The following MKI67 variants were observed in gnomAD, a reference collection of about 807,000 sequenced individuals.
The protein encoded by MKI67 is marker of proliferation Ki-67.
In MKI67, 152 loss-of-function variants were observed where a neutral mutation model predicts 233.5. That is an observed-to-expected ratio of 0.65 (90% CI 0.57 to 0.74). The LOEUF is 0.74. MKI67 is among the 30% of genes least tolerant of loss of function. The pLI is 0.00. For synonymous variants in MKI67, 1,465 were observed against 1,418.5 expected (o/e 1.03, Z -0.74); for missense variants, 3,940 against 3,885.2 (o/e 1.01, Z -0.37).
intron 11 of MKI67, 51 bp downstream of exon 11, chr10:128,111,594 T>TA (rs1852675463): frequency 1.4e-6 from 2 of 1,480,454 alleles, no homozygotes; most frequent in Non-Finnish European, 9.2e-7. Flanking sequence ...ATTAACACAG[T>TA]AAAAAACAGT....
chr10:128,102,741 A>G lies in MKI67; in HGVS notation c.9099T>C (p.Val3033=), dbSNP rs1852364096. Residue 3033 remains valine (V), a synonymous_variant, in exon 13 of 15, where the codon GTT becomes GTC. Coordinates refer to ENST00000368654, the MANE Select transcript of MKI67 (RefSeq NM_002417.5). ...EELPASKKQR[V]APRARGKSSE... ...ATGATTTGCCTCTTGCCCTGGGAGCAACCCTCTGCTTCTTGCTGGCTGGCA... is the reference window on the plus strand; with the variant it reads ...ATGATTTGCCTCTTGCCCTGGGAGCGACCCTCTGCTTCTTGCTGGCTGGCA... 1 of 1,614,180 alleles carries G rather than the reference A, an allele frequency of 6.2e-7. No individual in the cohort carries two copies. The highest frequency in any genetic ancestry group is 2.2e-5 in the East Asian group (1 of 44,878).
In MKI67 at chr10:128,102,767, GCTC is replaced by G. The variant is rs779858999; in HGVS notation, c.9070_9072del (p.Glu3024del). 1.2e-6 allele frequency: 2 copies of G among 1,614,228 alleles called. No individual in the cohort carries two copies. Among genetic ancestry groups the G allele is most frequent in the South Asian group, 2.2e-5 (2 of 91,086 alleles). On this transcript the variant is annotated inframe_deletion, in exon 13 of 15. Transcript: ENST00000368654. ...ACCCTCTGCTTCTTGCTGGCTGGCA[GCTC>G]CTCCACAATTTCCTCTGGTGCTGGC...
At position 128,125,591 on chromosome 10, in the gene MKI67, G is replaced by C. The variant is rs1420146342; in HGVS notation, c.77C>G (p.Thr26Ser). Residue 26 changes from threonine to serine, a missense_variant, in exon 2 of 15, where the codon ACC (threonine) becomes AGC (serine). Thr to Ser is a moderately conservative substitution (Grantham distance 58). Coordinates refer to ENST00000368654, the MANE Select transcript of MKI67 (RefSeq NM_002417.5). The surrounding 1 kb of genome is among the most constrained non-coding windows in gnomAD (Gnocchi z 5.3). Reference sequence around the variant, plus strand: ...CGGGGCTCACCTTCCAAACAAGCAGGTGCTGAGGCTCAGGGGAAAGTGGGG... The same window carrying C: ...CGGGGCTCACCTTCCAAACAAGCAGCTGCTGAGGCTCAGGGGAAAGTGGGG... ...DGPHFPLSLS[T>S]CLFGRGIECD... is the part of the protein sequence containing the mutation. The C allele has an allele frequency of 1.2e-6, 2 of 1,613,138 alleles. No individual in the cohort carries two copies.
Position 128,125,366 on chromosome 10 carries a change from T to C in MKI67, c.92+210A>G, listed in dbSNP as rs1190545371. ...TCGATTTTTTTAATTGGCTTGATTT[T>C]TAAAACCACTTAAACATACAAACTA... On this transcript the variant is annotated intron_variant, in intron 2 of 14. Coordinates refer to ENST00000368654, the MANE Select transcript of MKI67 (RefSeq NM_002417.5). The surrounding 1 kb of genome is among the most constrained non-coding windows in gnomAD (Gnocchi z 5.3). Among the ~76,000 whole-genome samples, 2 of 152,162 alleles carry C rather than the reference T, an allele frequency of 1.3e-5. No individual in the cohort carries two copies. Among genetic ancestry groups the C allele is most frequent in the Non-Finnish European group, 2.9e-5 (2 of 68,034 alleles).
At chr10:128,123,270 G>A in intron 2 of MKI67, 101 bp from the exon 3 acceptor site, 1 of 826,306 alleles carries the variant, frequency 1.2e-6, no homozygotes, top group Non-Finnish European at 2.1e-6. Context: ...TGTTTGATCT[G>A]TAAATATGAC....
rs768067622 is a variant in MKI67, at chr10:128,112,330, G to C, written c.1772C>G (p.Ala591Gly). Residue 591 changes from alanine (A) to glycine (G), a missense_variant, in exon 9 of 15, where the codon GCC becomes GGC. Ala to Gly is a moderately conservative substitution (Grantham distance 60, BLOSUM62 0). Transcript: ENST00000368654. ...GCAGGACCTACGGCGTTGATCACTG[G>C]CAACTGGAGTTTTCCTAGGACTAGG... ...PAPSPRKTPV[A>G]SDQRRRSCKT... 8 of 1,614,200 alleles carry C rather than the reference G, an allele frequency of 5.0e-6. No homozygotes were observed. The East Asian group carries it at 1.8e-4, about 36-fold the overall frequency.
In MKI67 at chr10:128,115,564, C is replaced by G; in HGVS notation, c.844G>C (p.Gly282Arg). 6.2e-7 allele frequency: 1 copy of G among 1,614,226 alleles called. No homozygotes were observed. The highest frequency in any genetic ancestry group is 1.1e-5 in the South Asian group (1 of 91,090). ...TEKESADGLQGETQLLVSRKS... is the reference protein window; with the variant it reads ...TEKESADGLQRETQLLVSRKS... ...CGCGAGACCAACAGTTGGGTCTCCC[C>G]CTGTAAACCATCAGCACTTTCTTTC... Residue 282 changes from glycine (G) to arginine (R), a missense_variant, in exon 7 of 15, where the codon GGG becomes CGG. Gly to Arg is a moderately radical substitution (Grantham distance 125). Transcript: ENST00000368654.
Position 128,113,551 on chromosome 10 carries a change from T to A in MKI67, c.1532A>T (p.His511Leu). 1 of 1,614,182 alleles carries A rather than the reference T, an allele frequency of 6.2e-7. No homozygotes were observed. Reference sequence around the variant, plus strand: ...TTCATCAAATAGTTCAGGTCTTAGGTGCCCACCAAAGGACACACGCCTTCT... The same window carrying A: ...TTCATCAAATAGTTCAGGTCTTAGGAGCCCACCAAAGGACACACGCCTTCT... ...LKRRRVSFGG[H>L]LRPELFDENL... The change falls in exon 8 of 15, where the codon CAC (histidine) becomes CTC (leucine). Residue 511 changes from histidine to leucine, a missense_variant. By Grantham distance (99) the His-to-Leu change is moderately conservative. Coordinates refer to ENST00000368654, the MANE Select transcript of MKI67 (RefSeq NM_002417.5).
In MKI67 at chr10:128,097,154, A is replaced by G. The variant is rs1852229043; in HGVS notation, c.*2036T>C. 6.6e-6 allele frequency: 1 copy of G among 152,206 alleles called. No individual in the cohort carries two copies. Among genetic ancestry groups the G allele is most frequent in the South Asian group, 2.1e-4 (1 of 4,832 alleles). 9.4% of individuals were successfully genotyped at this position (152,206 alleles called of 1,614,324 possible). On this transcript the variant is annotated 3_prime_UTR_variant, in exon 15 of 15. Transcript: ENST00000368654. ...AGCTTGTATTTAATGGGAATGTCCTATTACATGGAAATTCACTTGGAAACT... is the reference window on the plus strand; with the variant it reads ...AGCTTGTATTTAATGGGAATGTCCTGTTACATGGAAATTCACTTGGAAACT...
chr10:128,106,951 T>C lies in MKI67; in HGVS notation c.4889A>G (p.Lys1630Arg), dbSNP rs769294486. 6.2e-7 allele frequency: 1 copy of C among 1,614,186 alleles called. No individual in the cohort carries two copies. The highest frequency in any genetic ancestry group is 8.5e-7 in the Non-Finnish European group (1 of 1,180,042). The change falls in exon 13 of 15, where the codon AAG becomes AGG. Residue 1630 changes from lysine (K) to arginine (R), a missense_variant. Lys to Arg is a conservative substitution (Grantham distance 26). Transcript: ENST00000368654. ...PDPDKNPASSKRRLKTSLGKV... is the reference protein window; with the variant it reads ...PDPDKNPASSRRRLKTSLGKV... ...CCCCAGGGATGTCTTGAGCCGTCGC[T>C]TGGAGCTTGCTGGGTTTTTGTCTGG...
chr10:128,101,635 C>G lies in MKI67; in HGVS notation c.9328G>C (p.Val3110Leu). Residue 3110 changes from valine to leucine, a missense_variant, in exon 14 of 15, where the codon GTA becomes CTA. Physicochemically the swap from Val to Leu is conservative, Grantham distance 32. Coordinates refer to ENST00000368654, the MANE Select transcript of MKI67 (RefSeq NM_002417.5). ...EAEQQITEVF[V>L]LAERIEINRN... ...TTTATTTCTATTCTTTCTGCTAATA[C>G]AAAGACCTCAGTTATTTGCTGTTCT... The G allele has an allele frequency of 6.2e-7, 1 of 1,613,678 alleles. No individual in the cohort carries two copies. Among genetic ancestry groups the G allele is most frequent in the Non-Finnish European group, 8.5e-7 (1 of 1,179,946 alleles).
chr10:128,105,950 G>T lies in MKI67; in HGVS notation c.5890C>A (p.Pro1964Thr). ...GTCATTGATTCCTCAGTGTGACCTG[G>T]TGTCTGGAAGAGCTCTTTGAAGCCA... ...LAGFKELFQT[P>T]GHTEESMTDD... Residue 1964 changes from proline to threonine, a missense_variant, in exon 13 of 15, where the codon CCA (proline) becomes ACA (threonine). Pro to Thr is a conservative substitution (Grantham distance 38). Coordinates refer to ENST00000368654, the MANE Select transcript of MKI67 (RefSeq NM_002417.5). 6.2e-7 allele frequency: 1 copy of T among 1,614,146 alleles called. No individual in the cohort carries two copies. The highest frequency in any genetic ancestry group is 8.5e-7 in the Non-Finnish European group (1 of 1,180,026).
rs201750431 is a variant in MKI67, at chr10:128,106,450, G to T, written c.5390C>A (p.Thr1797Lys). 2 of 1,613,142 alleles carry T rather than the reference G, an allele frequency of 1.2e-6. No homozygotes were observed. The highest frequency in any genetic ancestry group is 2.7e-5 in the African/African-American group (2 of 74,550). Residue 1797 changes from threonine (T) to lysine (K), a missense_variant, in exon 13 of 15, where the codon ACG (threonine) becomes AAG (lysine). Physicochemically the swap from Thr to Lys is moderately conservative, Grantham distance 78. Transcript: ENST00000368654. Reference sequence around the variant, plus strand: ...TTTCTGCACTGGAGTTCCCAAAAACGTGTTGATGTCTTTCTCTTCACCTAC... The same window carrying T: ...TTTCTGCACTGGAGTTCCCAAAAACTTGTTGATGTCTTTCTCTTCACCTAC... ...PAVGEEKDIN[T>K]FLGTPVQKLD...
chr10:128,111,590 AC>A (rs1852675275), intron 11 of MKI67, 54 bp downstream of exon 11: 1 of 1,446,642 alleles, frequency 6.9e-7, no homozygotes. Flanking sequence ...AAACATTAAC[AC>A]AGTAAAAAAC....
chr10:128,117,615 C>A (rs1418533207), intron 5 of MKI67, among the ~76,000 whole-genome samples: 1 of 152,180 alleles, frequency 6.6e-6, no homozygotes, highest in Admixed American at 6.5e-5. Flanking sequence ...TTAACAAAGG[C>A]AAAGAATCTA....
At chr10:128,109,520 A>G (rs1852622442) in intron 12 of MKI67, 97 bp from the exon 13 acceptor site, 22 of 1,344,390 alleles carry the variant, frequency 1.6e-5, no homozygotes, top group Non-Finnish European at 2.2e-5. Context: ...CTAAATATTT[A>G]GCTTCGTATT....
At chr10:128,111,610 C>A in intron 11 of MKI67, 35 bp downstream of exon 11, 2 of 1,545,174 alleles carry the variant, frequency 1.3e-6, no homozygotes, top group South Asian at 2.4e-5. Flanking sequence ...ACAGTAGAGT[C>A]AAAAGATTTA....
At position 128,105,559 on chromosome 10, in the gene MKI67, G is replaced by T; in HGVS notation, c.6281C>A (p.Thr2094Asn). The change falls in exon 13 of 15, where the codon ACT becomes AAT. Residue 2094 changes from threonine to asparagine, a missense_variant. By Grantham distance (65) the Thr-to-Asn change is moderately conservative. Transcript: ENST00000368654. ...QTPDHTEEST[T>N]DDKTTKIACK... ...GGCTATTTTGGTAGTTTTGTCATCAGTTGTTGATTCCTCAGTGTGGTCTGG... is the reference window on the plus strand; with the variant it reads ...GGCTATTTTGGTAGTTTTGTCATCATTTGTTGATTCCTCAGTGTGGTCTGG... 1 of 1,613,998 alleles carries T rather than the reference G, an allele frequency of 6.2e-7. No homozygotes were observed. Among genetic ancestry groups the T allele is most frequent in the Non-Finnish European group, 8.5e-7 (1 of 1,180,000 alleles).
chr10:128,115,743 G>T lies in MKI67; in HGVS notation c.665C>A (p.Pro222His). 6.2e-7 allele frequency: 1 copy of T among 1,613,550 alleles called. No homozygotes were observed. The change falls in exon 7 of 15, where the codon CCC becomes CAC. Residue 222 changes from proline (P) to histidine (H), a missense_variant. Pro to His is a moderately conservative substitution (Grantham distance 77). Coordinates refer to ENST00000368654, the MANE Select transcript of MKI67 (RefSeq NM_002417.5). ...GCTATTGTCAAGACATTGTGTAGTGGGAACAGACTTCAATTCTCCATAACG... is the reference window on the plus strand; with the variant it reads ...GCTATTGTCAAGACATTGTGTAGTGTGAACAGACTTCAATTCTCCATAACG... ...VSRYGELKSV[P>H]TTQCLDNSKK...
Sources: gnomAD v4.1 joint callset for allele counts (sites outside exome capture counted in the v4.1 genomes callset) on GRCh38, gnomAD v4.1.1 for gene constraint, Gnocchi (gnomAD v3.1) non-coding constraint, MANE v1.5 for transcripts, NCBI Gene and HGNC (gene_info 2026-07-23, HGNC 2026-07-21) for gene names.